Variants in MGAT4C observed in about 807,000 individuals in gnomAD.
MGAT4C encodes alpha-1,3-mannosyl-glycoprotein 4-beta-N-acetylglucosaminyltransferase C.
MGAT4C carries 19 observed loss-of-function variants against 40.1 expected under a neutral mutation model. The observed-to-expected ratio is 0.47, with a 90% CI of 0.33 to 0.70. The LOEUF (loss-of-function observed/expected upper bound fraction) is 0.70. Among genes scored for constraint, MGAT4C ranks in the 30% least tolerant of loss-of-function variants. The probability of loss-of-function intolerance (pLI) is 0.02; values close to 1 mark genes in which losing one functional copy is unlikely to be tolerated. For missense variants in MGAT4C, 491 were observed against 563.2 expected (o/e 0.87, Z 1.30); for synonymous variants, 181 against 187.1 (o/e 0.97, Z 0.27).
intron 2 of MGAT4C, among the ~76,000 whole-genome samples, chr12:86,614,335 A>T (rs1384059709): frequency 6.6e-6 from 1 of 152,176 alleles, no homozygotes; most frequent in Non-Finnish European, 1.5e-5. Context: ...AATAGAACAT[A>T]GCACTTTGAG....
At chr12:86,730,305 A>T (rs1238708634) in intron 1 of MGAT4C, among the ~76,000 whole-genome samples, 1 of 152,100 alleles carries the variant, frequency 6.6e-6, no homozygotes, top group Non-Finnish European at 1.5e-5. Context: ...GGAATTTATT[A>T]AATTAAGAAA....
chr12:86,142,766 C>A (rs2135743523), intron 1 of MGAT4C, among the ~76,000 whole-genome samples: 1 of 149,446 alleles, frequency 6.7e-6, no homozygotes, highest in African/African-American at 2.5e-5. Context: ...TTCAGTTGGG[C>A]TTTTCTTGTT....
At chr12:86,614,229 C>G (rs1962376746) in intron 2 of MGAT4C, among the ~76,000 whole-genome samples, 1 of 152,130 alleles carries the variant, frequency 6.6e-6, no homozygotes, top group Admixed American at 6.5e-5. Flanking sequence ...CTGTAACAAG[C>G]AGATTACATC....
rs187679016 is a variant in MGAT4C, at chr12:86,498,168, C to T, written c.-228-62903G>A. On this transcript the variant is annotated intron_variant, in intron 2 of 7. Transcript: ENST00000548651. ...ACTTTCTTTGGGGCATTTGTTTTTC[C>T]CTACTTTTCTCATTTGTATATTCTA... Among the ~76,000 whole-genome samples, 210 of 150,906 alleles carry T rather than the reference C, an allele frequency of 1.4e-3. 4 individuals are homozygous for T. Among genetic ancestry groups the T allele is most frequent in the African/African-American group, 4.7e-3 (194 of 41,244 alleles).
intron 2 of MGAT4C, among the ~76,000 whole-genome samples, chr12:86,017,520 A>C (rs1413027996): frequency 3.3e-5 from 5 of 152,176 alleles, no homozygotes; most frequent in African/African-American, 7.2e-5. Context: ...AATAAATATA[A>C]ATATCTTTTA....
chr12:86,332,802 T>G (rs1002245456), intron 4 of MGAT4C, among the ~76,000 whole-genome samples: 1 of 152,170 alleles, frequency 6.6e-6, no homozygotes, highest in Non-Finnish European at 1.5e-5. Context: ...GAAACATATC[T>G]ATAACTACTT....
chr12:86,352,213 C>T (rs1170063815), intron 3 of MGAT4C, among the ~76,000 whole-genome samples: 1 of 151,944 alleles, frequency 6.6e-6, no homozygotes, highest in African/African-American at 2.4e-5. Flanking sequence ...TTAATAATGT[C>T]TTATTTAACT....
chr12:86,257,789 C>T (rs1470175066), upstream of MGAT4C, among the ~76,000 whole-genome samples: 1 of 152,124 alleles, frequency 6.6e-6, no homozygotes. Flanking sequence ...AGCGAGTTAG[C>T]ATGTGACATG....
intron 3 of MGAT4C, among the ~76,000 whole-genome samples, chr12:86,388,925 C>T (rs939469286): frequency 6.6e-6 from 1 of 152,070 alleles, no homozygotes; most frequent in South Asian, 2.1e-4. Flanking sequence ...CTCAGGTGAT[C>T]CGCTTGCCTC....
intron 2 of MGAT4C, among the ~76,000 whole-genome samples, chr12:86,599,154 T>A (rs1377581490): frequency 6.6e-6 from 1 of 152,100 alleles, no homozygotes; most frequent in Non-Finnish European, 1.5e-5. Context: ...ATTATATTTA[T>A]CAACCTTAGA....
At chr12:86,020,240 T>C (rs929675926) in intron 2 of MGAT4C, among the ~76,000 whole-genome samples, 6 of 152,044 alleles carry the variant, frequency 3.9e-5, no homozygotes, top group Middle Eastern at 3.4e-3. Flanking sequence ...TGAATAGGAG[T>C]GTTGAGGGAG....
At chr12:86,327,601 T>G (rs1284713814) in intron 4 of MGAT4C, among the ~76,000 whole-genome samples, 2 of 151,970 alleles carry the variant, frequency 1.3e-5, no homozygotes, top group Non-Finnish European at 2.9e-5. Flanking sequence ...TGGAAAAAAT[T>G]GAAGAAAATT....
At chr12:86,423,150 A>AT (rs1334664560) in intron 3 of MGAT4C, among the ~76,000 whole-genome samples, 11 of 152,158 alleles carry the variant, frequency 7.2e-5, no homozygotes, top group Admixed American at 4.6e-4. Flanking sequence ...ATTATTCTTA[A>AT]TTTTATTATA....
intron 1 of MGAT4C, among the ~76,000 whole-genome samples, chr12:86,147,303 G>A (rs918098337): frequency 2.6e-5 from 4 of 151,836 alleles, no homozygotes; most frequent in African/African-American, 7.2e-5. Context: ...GTGCAGTGCC[G>A]CGATCTCAGC....
chr12:86,574,515 A>G (rs1425465799), intron 2 of MGAT4C, among the ~76,000 whole-genome samples: 4 of 151,702 alleles, frequency 2.6e-5, no homozygotes, highest in Non-Finnish European at 3.0e-5. Flanking sequence ...TAGTCATTAT[A>G]TTTGGAACCA....
intron 2 of MGAT4C, among the ~76,000 whole-genome samples, chr12:86,652,182 T>C (rs1963715699): frequency 6.6e-6 from 1 of 151,852 alleles, no homozygotes; most frequent in Non-Finnish European, 1.5e-5. Context: ...ATTAATATAA[T>C]GACAATGGAT....
chr12:86,084,502 T>C (rs1445446217), intron 1 of MGAT4C, among the ~76,000 whole-genome samples: 1 of 152,020 alleles, frequency 6.6e-6, no homozygotes, highest in Admixed American at 6.6e-5. Context: ...ATTGCCTTTT[T>C]GCCATGTATA....
intron 2 of MGAT4C, among the ~76,000 whole-genome samples, chr12:86,624,789 G>GA (rs1962748891): frequency 2.0e-5 from 3 of 151,832 alleles, no homozygotes; most frequent in Non-Finnish European, 2.9e-5. Context: ...CTATGTATGG[G>GA]GAAAAAAGCA....
chr12:86,269,652 A>G (rs916221097), intron 4 of MGAT4C, among the ~76,000 whole-genome samples: 4 of 152,046 alleles, frequency 2.6e-5, no homozygotes, highest in Non-Finnish European at 1.5e-5. Flanking sequence ...AACTGCCTCA[A>G]AAATGGCAAT....
Sources: allele counts gnomAD v4.1 joint callset (sites outside exome capture counted in the v4.1 genomes callset), GRCh38; gene constraint gnomAD v4.1.1; transcripts MANE v1.5; gene names NCBI Gene and HGNC (gene_info 2026-07-23, HGNC 2026-07-21).